EBF1: variants seen among roughly 807,000 people sequenced by gnomAD.
EBF1 encodes the protein EBF transcription factor 1.
EBF1 carries 10 observed loss-of-function variants against 68.4 expected under a neutral mutation model. That is an observed-to-expected ratio of 0.15 (90% confidence interval 0.09 to 0.25). EBF1 has a LOEUF of 0.25. Among genes scored for constraint, EBF1 ranks in the 10% least tolerant of loss-of-function variants. EBF1 has a pLI of 1.00. For synonymous variants in EBF1, 298 were observed against 299.8 expected, an observed-to-expected ratio of 0.99 and a Z score of 0.06; for missense variants, 509 against 794.4, an observed-to-expected ratio of 0.64 and a Z score of 4.32.
At chr5:158,727,043 A>G (rs1003679679) in intron 11 of EBF1, among the ~76,000 whole-genome samples, 2 of 152,260 alleles carry the variant, frequency 1.3e-5, no homozygotes, top group Admixed American at 6.5e-5. Context: ...GCTGCTTTAC[A>G]GAGGAGAAAC....
intron 7 of EBF1, among the ~76,000 whole-genome samples, chr5:158,824,051 G>T (rs1340676419): frequency 6.6e-6 from 1 of 152,158 alleles, no homozygotes; most frequent in African/African-American, 2.4e-5. Flanking sequence ...TGTTGTCTCA[G>T]AGAACTTTGA....
intron 6 of EBF1, among the ~76,000 whole-genome samples, chr5:158,869,244 C>T (rs1348050603): frequency 6.6e-6 from 1 of 152,148 alleles, no homozygotes; most frequent in African/African-American, 2.4e-5. Flanking sequence ...CTGAAAAGTG[C>T]TTTTCCCAGC....
In EBF1 at chr5:158,712,171, G is replaced by A. The variant is rs1414206929; in HGVS notation, c.1532C>T (p.Ala511Val). The A allele has an allele frequency of 6.2e-7, 1 of 1,613,882 alleles. No homozygotes were observed. The highest frequency in any genetic ancestry group is 8.5e-7 in the Non-Finnish European group (1 of 1,179,912). ...GSPTFLNGSAANSPYAIVPSS... is the reference protein window; with the variant it reads ...GSPTFLNGSAVNSPYAIVPSS... ...CTACTTACTGGCATAGGGGGAGTTG[G>A]CAGCTGAGCCGTTGAGGAAGGTGGG... is the stretch of plus-strand genomic sequence containing the variant. The change falls in exon 14 of 16, where the codon GCC (alanine) becomes GTC (valine). Residue 511 changes from alanine to valine, a missense_variant. Transcript: ENST00000313708.
intron 6 of EBF1, among the ~76,000 whole-genome samples, chr5:159,044,945 A>G (rs1030014208): frequency 6.6e-6 from 1 of 152,200 alleles, no homozygotes; most frequent in African/African-American, 2.4e-5. Context: ...AGAGCTAAAA[A>G]CAAAGATTCA....
chr5:158,978,819 C>T (rs1376145173), intron 6 of EBF1, among the ~76,000 whole-genome samples: 10 of 148,564 alleles, frequency 6.7e-5, no homozygotes, highest in Middle Eastern at 3.2e-3. Flanking sequence ...CACACACACA[C>T]ACACACACAC....
At chr5:158,859,155 C>T (rs948326220) in intron 6 of EBF1, among the ~76,000 whole-genome samples, 1 of 152,226 alleles carries the variant, frequency 6.6e-6, no homozygotes, top group South Asian at 2.1e-4. Flanking sequence ...TATCTGCCCT[C>T]CCTTTGAGTC....
At chr5:158,990,881 T>A (rs537121858) in intron 6 of EBF1, among the ~76,000 whole-genome samples, 87 of 152,346 alleles carry the variant, frequency 5.7e-4, no homozygotes, top group African/African-American at 2.0e-3. Context: ...TGGGCTAATC[T>A]CAATTAAACC....
chr5:158,772,614 C>T (rs1774087542), intron 10 of EBF1, among the ~76,000 whole-genome samples: 2 of 152,134 alleles, frequency 1.3e-5, no homozygotes. Context: ...ACTTTATTTA[C>T]ACTTTGCTCC....
At chr5:158,973,756 A>C (rs1756135283) in intron 6 of EBF1, among the ~76,000 whole-genome samples, 2 of 152,198 alleles carry the variant, frequency 1.3e-5, no homozygotes, top group African/African-American at 2.4e-5. Context: ...GGTAAAAATT[A>C]ATTCATATTC....
At chr5:158,964,462 G>A (rs1753704876) in intron 6 of EBF1, among the ~76,000 whole-genome samples, 1 of 152,066 alleles carries the variant, frequency 6.6e-6, no homozygotes, top group Non-Finnish European at 1.5e-5. Context: ...TAGTAATCTG[G>A]ATGAGAGATA....
intron 6 of EBF1, among the ~76,000 whole-genome samples, chr5:158,907,873 T>C (rs1562270769): frequency 6.6e-6 from 1 of 152,064 alleles, no homozygotes; most frequent in Non-Finnish European, 1.5e-5. Context: ...CAGTAGCTTC[T>C]AGAAATCACT....
rs116210744 is a variant in EBF1 at position 158,886,081 on chromosome 5, C to T, written c.555-45971G>A. On this transcript the variant is annotated intron_variant, in intron 6 of 15. Coordinates refer to ENST00000313708, the MANE Select transcript of EBF1 (RefSeq NM_024007.5). ...AAGGTGTGCCACTCCCTTTGCCCAA[C>T]TCTTCTGTCCTAATCCTTAGAGGAA... Among the ~76,000 whole-genome samples the T allele has an allele frequency of 5.4e-3, 824 of 152,298 alleles. 8 individuals are homozygous for T. Among genetic ancestry groups the T allele is most frequent in the African/African-American group, 0.019 (778 of 41,574 alleles).
At chr5:159,078,125 A>G (rs1227234867) in intron 5 of EBF1, among the ~76,000 whole-genome samples, 3 of 152,176 alleles carry the variant, frequency 2.0e-5, no homozygotes, top group Admixed American at 1.3e-4. Flanking sequence ...CTTCTTGTAG[A>G]CTGAGCTGAT....
At chr5:158,827,131 T>C (rs1293023926) in intron 7 of EBF1, among the ~76,000 whole-genome samples, 2 of 152,150 alleles carry the variant, frequency 1.3e-5, no homozygotes, top group Non-Finnish European at 2.9e-5. Flanking sequence ...TAAACATTAG[T>C]AGCAGTAATA....
chr5:159,098,784 GAAGAA>G (rs1783106293), intron 1 of EBF1, among the ~76,000 whole-genome samples: 7 of 123,008 alleles, frequency 5.7e-5, no homozygotes. Context: ...AAGGAGAAGA[GAAGAA>G]AATAAAGGGG....
chr5:158,832,080 AC>A (rs1389282351), intron 7 of EBF1, among the ~76,000 whole-genome samples: 2 of 152,220 alleles, frequency 1.3e-5, no homozygotes, highest in Non-Finnish European at 2.9e-5. Context: ...ATATAAGGAT[AC>A]CTTTTGCTGG....
intron 4 of EBF1, 41 bp downstream of exon 4, chr5:159,095,579 G>C (rs915658994): frequency 6.2e-7 from 1 of 1,610,236 alleles, no homozygotes; most frequent in East Asian, 2.2e-5. Flanking sequence ...CCTGAATTTT[G>C]TGACATAGAG....
chr5:158,832,393 A>G (rs1016292137), intron 7 of EBF1, among the ~76,000 whole-genome samples: 3 of 152,204 alleles, frequency 2.0e-5, no homozygotes, highest in Non-Finnish European at 4.4e-5. Flanking sequence ...CACCATTTGT[A>G]TTTACCATGT....
chr5:158,967,951 A>C (rs1258027809), intron 6 of EBF1, among the ~76,000 whole-genome samples: 1 of 152,240 alleles, frequency 6.6e-6, no homozygotes, highest in Non-Finnish European at 1.5e-5. Flanking sequence ...CACAGGAAAC[A>C]TTTTGTAAAT....
Sources: allele counts gnomAD v4.1 joint callset (sites outside exome capture counted in the v4.1 genomes callset), GRCh38; gene constraint gnomAD v4.1.1; transcripts MANE v1.5; gene names NCBI Gene and HGNC (gene_info 2026-07-23, HGNC 2026-07-21).